XYLT2: variants seen among roughly 807,000 people sequenced by gnomAD.
XYLT2 encodes the protein UDP-D-xylose:proteoglycan core protein beta-D-xylosyltransferase.
XYLT2 carries 37 observed loss-of-function variants against 82.6 expected under a neutral mutation model. That is an observed-to-expected ratio of 0.45 (90% CI 0.34 to 0.59). The LOEUF (loss-of-function observed/expected upper bound fraction) is 0.59, where lower values mean the gene tolerates loss of function less well. Ranked by LOEUF, XYLT2 falls within the 20% of genes least tolerant of loss-of-function variation. The pLI, the probability that XYLT2 is intolerant of heterozygous loss-of-function variation, is 0.01. For missense variants in XYLT2, 934 were observed against 1,181.3 expected, an observed-to-expected ratio of 0.79 and a Z score of 3.07; for synonymous variants, 474 against 499.0, an observed-to-expected ratio of 0.95 and a Z score of 0.67.
rs1428776490 is a variant in XYLT2, at chr17:50,354,055, T to C, written c.561T>C (p.Asn187=). The part of the protein sequence containing the change: ...STKQCQQEIA[N]VVCLHQAGSL... ...AGCAGTGCCAGCAGGAGATCGCCAA[T>C]GTGGTGTGCCTGCACCAGGCTGGGA... Residue 187 remains asparagine, a synonymous_variant, in exon 2 of 11, where the codon AAT becomes AAC. Coordinates refer to ENST00000017003, the MANE Select transcript of XYLT2 (RefSeq NM_022167.4). 6.2e-7 allele frequency: 1 copy of C among 1,608,418 alleles called. No homozygotes were observed. Among genetic ancestry groups the C allele is most frequent in the Non-Finnish European group, 8.5e-7 (1 of 1,179,904 alleles).
chr17:50,354,138 G>T lies in XYLT2; in HGVS notation c.628+16G>T. On this transcript the variant is annotated intron_variant, in intron 2 of 10. Coordinates refer to ENST00000017003, the MANE Select transcript of XYLT2 (RefSeq NM_022167.4). The stretch of plus-strand genomic sequence containing the variant: ...CAGCTGACTGGTGAGGGACAGGGGT[G>T]CTCCAGCCCTTCCCAGGCGGGGGCA... 6.2e-7 allele frequency: 1 copy of T among 1,600,772 alleles called. No homozygotes were observed. Among genetic ancestry groups the T allele is most frequent in the South Asian group, 1.1e-5 (1 of 91,060 alleles).
In XYLT2 at chr17:50,354,049, C is replaced by T. The variant is rs1414379536; in HGVS notation, c.555C>T (p.Ile185=). 2.5e-6 allele frequency: 4 copies of T among 1,608,386 alleles called. No individual in the cohort carries two copies. The highest frequency in any genetic ancestry group is 1.7e-5 in the Admixed American group (1 of 60,024). ...RASTKQCQQE[I]ANVVCLHQAG... is the part of the protein sequence containing the mutation. The stretch of plus-strand genomic sequence containing the variant: ...GCACCAAGCAGTGCCAGCAGGAGAT[C>T]GCCAATGTGGTGTGCCTGCACCAGG... Residue 185 remains isoleucine, a synonymous_variant, in exon 2 of 11, where the codon ATC becomes ATT. Coordinates refer to ENST00000017003, the MANE Select transcript of XYLT2 (RefSeq NM_022167.4).
intron 1 of XYLT2, among the ~76,000 whole-genome samples, 188 bp from the exon 2 acceptor site, chr17:50,353,442 A>G (rs1912351957): frequency 6.6e-6 from 1 of 152,178 alleles, no homozygotes; most frequent in South Asian, 2.1e-4. Context: ...GTGCGCCCTC[A>G]GTGGCTGGCC....
At position 50,346,588 on chromosome 17, in the gene XYLT2, G is replaced by A. The variant is rs1257533775; in HGVS notation, c.135+313G>A. On this transcript the variant is annotated intron_variant, in intron 1 of 10. Transcript: ENST00000017003. This position sits in a 1 kb window ranked among gnomAD's most constrained non-coding sequence, Gnocchi z 5.1. ...GATGAAGGTCAGGCGCGGCGAGCGG[G>A]GCTGGGAGGCGGGGCTGGGCCCGAA... 1 of 983,654 alleles carries A rather than the reference G, an allele frequency of 1.0e-6. No homozygotes were observed. The highest frequency in any genetic ancestry group is 1.2e-6 in the Non-Finnish European group (1 of 828,302). The allele number at this position is 983,654 out of a possible 1,614,324, so 60.9% of individuals were successfully genotyped here.
chr17:50,354,770 T>C (rs1912438530), intron 3 of XYLT2, 84 bp from the exon 4 acceptor site: 40 of 1,586,554 alleles, frequency 2.5e-5, no homozygotes, highest in Non-Finnish European at 3.3e-5. Flanking sequence ...GCTTTCCTCG[T>C]CTTGTGTCCC....
Position 50,360,451 on chromosome 17 carries a change from A to AACT in XYLT2, c.*164_*166dup, listed in dbSNP as rs1912755465. The AACT allele has an allele frequency of 7.1e-7, 1 of 1,413,748 alleles. No homozygotes were observed. Among genetic ancestry groups the AACT allele is most frequent in the African/African-American group, 1.4e-5 (1 of 69,218 alleles). 87.6% of individuals were successfully genotyped at this position (1,413,748 alleles called of 1,614,324 possible). ...CGGCAGGGAAGGTGGACACAGTATG[A>AACT]ACTACTGCTGATGTCTCTGTTGGGG... is the stretch of plus-strand genomic sequence containing the variant. On this transcript the variant is annotated 3_prime_UTR_variant, in exon 11 of 11. Transcript: ENST00000017003.
In XYLT2 at chr17:50,357,189, G is replaced by A; in HGVS notation, c.1878G>A (p.Met626Ile). The A allele has an allele frequency of 6.2e-7, 1 of 1,611,870 alleles. No individual in the cohort carries two copies. The change falls in exon 9 of 11, where the codon ATG (methionine) becomes ATA (isoleucine). Residue 626 changes from methionine to isoleucine, a missense_variant. By Grantham distance (10) the Met-to-Ile change is conservative. Transcript: ENST00000017003. ...GPAETLEMWL[M>I]PQGSLKLLGR... ...CAGAGACGCTTGAGATGTGGCTGAT[G>A]CCCCAAGGGTCGCTGAAGCTGTTGG... is the stretch of plus-strand genomic sequence containing the variant.
At position 50,360,163 on chromosome 17, in the gene XYLT2, G is replaced by A; in HGVS notation, c.2470G>A (p.Gly824Arg). 6.2e-7 allele frequency: 1 copy of A among 1,614,022 alleles called. No individual in the cohort carries two copies. Among genetic ancestry groups the A allele is most frequent in the Non-Finnish European group, 8.5e-7 (1 of 1,179,964 alleles). ...RELSSFWSVA[G>R]LCAIGPSPCP... ...ACTGAGCAGCTTCTGGTCCGTGGCT[G>A]GACTGTGTGCCATAGGCCCCTCTCC... The change falls in exon 11 of 11, where the codon GGA becomes AGA. Residue 824 changes from glycine (G) to arginine (R), a missense_variant. Around this residue, in one of 3 missense-constraint regions of XYLT2, gnomAD observed 374 missense variants for 465.6 expected, o/e 0.80. Coordinates refer to ENST00000017003, the MANE Select transcript of XYLT2 (RefSeq NM_022167.4).
intron 2 of XYLT2, 35 bp from the exon 3 acceptor site, chr17:50,354,373 G>T: frequency 1.9e-6 from 3 of 1,574,256 alleles, no homozygotes; most frequent in Non-Finnish European, 2.6e-6. Flanking sequence ...TGTGACCTAG[G>T]GTGGGCCTCG....
At chr17:50,352,746 G>C (rs1366543253) in intron 1 of XYLT2, among the ~76,000 whole-genome samples, 1 of 152,238 alleles carries the variant, frequency 6.6e-6, no homozygotes, top group African/African-American at 2.4e-5. Context: ...CTTCAAGGAA[G>C]AACCTGCTGC....
rs772045954 is a variant in XYLT2, at chr17:50,346,149, G to A, written c.9G>A (p.Ala3=). 1.0e-5 allele frequency: 13 copies of A among 1,259,956 alleles called. No homozygotes were observed. The highest frequency in any genetic ancestry group is 6.1e-6 in the Non-Finnish European group (6 of 977,640). The allele number at this position is 1,259,956 out of a possible 1,614,324, so 78.0% of individuals were successfully genotyped here. A position where few individuals can be genotyped will look rare whatever the true frequency, so the allele number is the denominator to read the frequency against. Residue 3 remains alanine (A), a synonymous_variant, in exon 1 of 11, where the codon GCG becomes GCA. Transcript: ENST00000017003. This position sits in a 1 kb window ranked among gnomAD's most constrained non-coding sequence, Gnocchi z 5.1. ...GCGTCCCGGGCAGGAAGATGGTGGC[G>A]AGCGCGCGAGTGCAGAAGCTGGTGC... is the stretch of plus-strand genomic sequence containing the variant. MV[A]SARVQKLVRR...
In XYLT2 at chr17:50,360,566, T is replaced by C. The variant is rs1474532603; in HGVS notation, c.*275T>C. On this transcript the variant is annotated 3_prime_UTR_variant, in exon 11 of 11. Transcript: ENST00000017003. Reference sequence around the variant, plus strand: ...CTTCCTGTCTAGTTTGAATTTCTTTTTTTTCTTTTTTTTTTTTTTTTTTTA... The same window carrying C: ...CTTCCTGTCTAGTTTGAATTTCTTTCTTTTCTTTTTTTTTTTTTTTTTTTA... 3 of 1,076,568 alleles carry C rather than the reference T, an allele frequency of 2.8e-6. No individual in the cohort carries two copies. The highest frequency in any genetic ancestry group is 3.3e-6 in the Non-Finnish European group (3 of 902,942). 66.7% of individuals were successfully genotyped at this position (1,076,568 alleles called of 1,614,324 possible).
At chr17:50,355,418 G>C (rs1457453066) in intron 4 of XYLT2, 83 bp from the exon 5 acceptor site, 5 of 1,462,594 alleles carry the variant, frequency 3.4e-6, no homozygotes, top group Non-Finnish European at 4.8e-6. Context: ...ATCAGGCAGA[G>C]AAGAAAAGCC....
At chr17:50,347,347 G>T (rs920985082) in intron 1 of XYLT2, among the ~76,000 whole-genome samples, 1 of 152,202 alleles carries the variant, frequency 6.6e-6, no homozygotes, top group South Asian at 2.1e-4. Flanking sequence ...AGTCTGGAAG[G>T]CCTGGTGTGG....
Position 50,360,853 on chromosome 17 carries a change from C to A in XYLT2, c.*562C>A. Reference sequence around the variant, plus strand: ...CTAAGGCCCGAAGAACAGGTGATATCGGGGGCGCTGCAGAGCTGGGCTCTA... The same window carrying A: ...CTAAGGCCCGAAGAACAGGTGATATAGGGGGCGCTGCAGAGCTGGGCTCTA... On this transcript the variant is annotated 3_prime_UTR_variant, in exon 11 of 11. Coordinates refer to ENST00000017003, the MANE Select transcript of XYLT2 (RefSeq NM_022167.4). The A allele has an allele frequency of 1.0e-6, 1 of 985,902 alleles. No homozygotes were observed. Among genetic ancestry groups the A allele is most frequent in the Non-Finnish European group, 1.2e-6 (1 of 829,976 alleles). 61.1% of individuals were successfully genotyped at this position (985,902 alleles called of 1,614,324 possible).
intron 1 of XYLT2, among the ~76,000 whole-genome samples, chr17:50,349,029 C>T (rs1295844192): frequency 6.6e-6 from 1 of 152,240 alleles, no homozygotes; most frequent in African/African-American, 2.4e-5. Flanking sequence ...ATCCCCCAGC[C>T]TCCTCTGGGA....
Position 50,354,105 on chromosome 17 carries a change from G to T in XYLT2, c.611G>T (p.Arg204Leu). 5 of 1,604,680 alleles carry T rather than the reference G, an allele frequency of 3.1e-6. No homozygotes were observed. The highest frequency in any genetic ancestry group is 4.2e-6 in the Non-Finnish European group (5 of 1,179,938). The change falls in exon 2 of 11, where the codon CGG (arginine) becomes CTG (leucine). Residue 204 changes from arginine to leucine, a missense_variant. Around this residue, in one of 3 missense-constraint regions of XYLT2, gnomAD observed 371 missense variants for 394.9 expected, o/e 0.94. Transcript: ENST00000017003. ...AGSLMPKAVP[R>L]HCQLTGKMSP... ...AGCCTCATGCCCAAGGCTGTGCCCC[G>T]GCACTGTCAGCTGACTGGTGAGGGA...
chr17:50,357,121 T>C lies in XYLT2; in HGVS notation c.1810T>C (p.Tyr604His). 2 of 1,613,938 alleles carry C rather than the reference T, an allele frequency of 1.2e-6. No individual in the cohort carries two copies. The highest frequency in any genetic ancestry group is 1.3e-5 in the African/African-American group (1 of 75,054). The change falls in exon 9 of 11, where the codon TAC becomes CAC. Residue 604 changes from tyrosine (Y) to histidine (H), a missense_variant. Tyr to His is a moderately conservative substitution (Grantham distance 83). Transcript: ENST00000017003. ...LYFYDDHFQG[Y>H]LVTQAVQPSA... ...TTTCTATGACGACCATTTCCAGGGC[T>C]ACCTGGTGACGCAGGCGGTGCAGCC...
At position 50,355,544 on chromosome 17, in the gene XYLT2, A is replaced by G. The variant is rs138384757; in HGVS notation, c.1051A>G (p.Lys351Glu). The part of the protein sequence containing the change: ...LVAFLSKNRD[K>E]NFLKSHGRDN... ...GGCATTCCTATCCAAGAACCGGGACAAGAATTTCCTCAAGTCACATGGCCG... is the reference window on the plus strand; with the variant it reads ...GGCATTCCTATCCAAGAACCGGGACGAGAATTTCCTCAAGTCACATGGCCG... Residue 351 changes from lysine to glutamate, a missense_variant, in exon 5 of 11, where the codon AAG becomes GAG. Around this residue, in one of 3 missense-constraint regions of XYLT2, gnomAD observed 189 missense variants for 320.8 expected, o/e 0.59. Transcript: ENST00000017003. 1.2e-6 allele frequency: 2 copies of G among 1,614,154 alleles called. No homozygotes were observed. The highest frequency in any genetic ancestry group is 1.7e-6 in the Non-Finnish European group (2 of 1,180,012).
Sources: gnomAD v4.1 joint callset for allele counts (sites outside exome capture counted in the v4.1 genomes callset) on GRCh38, gnomAD v4.1.1 for gene constraint, gnomAD v4.1.1 regional missense constraint, Gnocchi (gnomAD v3.1) non-coding constraint, MANE v1.5 for transcripts, NCBI Gene and HGNC (gene_info 2026-07-23, HGNC 2026-07-21) for gene names.